Variants in THBS4 observed in about 807,000 individuals in gnomAD.
THBS4 encodes thrombospondin-4.
In THBS4, 90 loss-of-function variants were observed where a neutral mutation model predicts 115.7. That is an observed-to-expected ratio of 0.78 (90% CI 0.66 to 0.93). The LOEUF is 0.93. THBS4 is among the 40% of genes least tolerant of loss of function. The pLI, the probability that THBS4 is intolerant of heterozygous loss-of-function variation, is 0.00. For synonymous variants in THBS4, 460 were observed against 479.3 expected, an observed-to-expected ratio of 0.96 and a Z score of 0.53; for missense variants, 1,087 against 1,232.7, an observed-to-expected ratio of 0.88 and a Z score of 1.77.
At chr5:80,038,050 G>A (rs1832772424) in intron 1 of THBS4, among the ~76,000 whole-genome samples, 1 of 152,090 alleles carries the variant, frequency 6.6e-6, no homozygotes, top group Non-Finnish European at 1.5e-5. Context: ...TTTAAAAGGG[G>A]TAAATATTCT....
intron 14 of THBS4, among the ~76,000 whole-genome samples, chr5:80,072,837 G>A (rs927224278): frequency 1.3e-5 from 2 of 152,174 alleles, no homozygotes; most frequent in African/African-American, 4.8e-5. Context: ...GGTATGATGT[G>A]TCATTTATTT....
At chr5:80,078,416 A>G (rs560474911) in intron 17 of THBS4, among the ~76,000 whole-genome samples, 189 bp downstream of exon 17, 2 of 152,340 alleles carry the variant, frequency 1.3e-5, no homozygotes, top group East Asian at 1.9e-4. Context: ...ATTGTCTGCT[A>G]CAGCTTTCAT....
Position 80,079,235 on chromosome 5 carries a change from G to A in THBS4, c.2488G>A (p.Ala830Thr), listed in dbSNP as rs778626702. Residue 830 changes from alanine to threonine, a missense_variant, in exon 19 of 22, where the codon GCA becomes ACA. Coordinates refer to ENST00000350881, the MANE Select transcript of THBS4 (RefSeq NM_003248.6). ...GCAAGCCACCCCATTCCGAGCAGTTGCAGAACCTGGCATTCAGCTCAAGGT... is the reference window on the plus strand; with the variant it reads ...GCAAGCCACCCCATTCCGAGCAGTTACAGAACCTGGCATTCAGCTCAAGGT... ...YWQATPFRAV[A>T]EPGIQLKAVK... The A allele has an allele frequency of 3.7e-6, 6 of 1,611,952 alleles. No homozygotes were observed. The Admixed American group carries it at 1.0e-4, about 27-fold the overall frequency.
chr5:80,040,210 C>T lies in THBS4; in HGVS notation c.222C>T (p.Ile74=), dbSNP rs369576000. The T allele has an allele frequency of 6.2e-7, 1 of 1,614,126 alleles. No individual in the cohort carries two copies. Among genetic ancestry groups the T allele is most frequent in the African/African-American group, 1.3e-5 (1 of 75,034 alleles). The change falls in exon 2 of 22, where the codon ATC becomes ATT. Residue 74 remains isoleucine (I), a synonymous_variant. Coordinates refer to ENST00000350881, the MANE Select transcript of THBS4 (RefSeq NM_003248.6). The part of the protein sequence containing the change: ...FKLQTKSSAT[I]FGLYSSTDNS... ...TGCAGACTAAAAGTTCAGCCACCAT[C>T]TTCGGTCTTTACTCTTCAACTGACA... is the stretch of plus-strand genomic sequence containing the variant.
intron 9 of THBS4, among the ~76,000 whole-genome samples, chr5:80,066,031 C>T (rs142762062): frequency 0.027 from 3,922 of 146,716 alleles, 93 homozygotes; most frequent in East Asian, 0.12. Flanking sequence ...GCAGGCGGAG[C>T]TTGCAGTGAG....
intron 2 of THBS4, 68 bp downstream of exon 2, chr5:80,040,348 T>TAATG (rs1832859133): frequency 1.6e-5 from 21 of 1,285,836 alleles, no homozygotes; most frequent in Non-Finnish European, 2.2e-5. Context: ...AGGGGTATAC[T>TAATG]GTCTTTGAGA....
chr5:80,032,578 G>T (rs543511661), upstream of THBS4, among the ~76,000 whole-genome samples: 1 of 152,238 alleles, frequency 6.6e-6, no homozygotes, highest in African/African-American at 2.4e-5. Context: ...GCAACCTTTA[G>T]TCTGTGGCTG....
At chr5:80,080,610 C>T (rs1203425827) in intron 20 of THBS4, among the ~76,000 whole-genome samples, 4 of 47,670 alleles carry the variant, frequency 8.4e-5, no homozygotes, top group African/African-American at 3.2e-4. Flanking sequence ...TTTTTGGAGA[C>T]GGAATCCCAC....
Position 80,058,806 on chromosome 5 carries a change from T to C in THBS4, c.732+16T>C. ...GAGACAGCAGGTAACAAGCGGGACATATCATCAGAAAAGCCCTCGTCTTCT... is the reference window on the plus strand; with the variant it reads ...GAGACAGCAGGTAACAAGCGGGACACATCATCAGAAAAGCCCTCGTCTTCT... On this transcript the variant is annotated intron_variant, in intron 5 of 21. Coordinates refer to ENST00000350881, the MANE Select transcript of THBS4 (RefSeq NM_003248.6). The C allele has an allele frequency of 1.9e-6, 3 of 1,610,828 alleles. No individual in the cohort carries two copies. The highest frequency in any genetic ancestry group is 2.2e-5 in the East Asian group (1 of 44,858).
At position 80,072,329 on chromosome 5, in the gene THBS4, G is replaced by A. The variant is rs749105558; in HGVS notation, c.1772G>A (p.Arg591Gln). ...NCPKFPNRDQ[R>Q]DKDGDGVGDA... ...CCAAAATTTCCCAATCGTGACCAAC[G>A]GGACAAGGATGGTGATGGTGTGGGG... The change falls in exon 14 of 22, where the codon CGG becomes CAG. Residue 591 changes from arginine (R) to glutamine (Q), a missense_variant. By Grantham distance (43) the Arg-to-Gln change is conservative. Coordinates refer to ENST00000350881, the MANE Select transcript of THBS4 (RefSeq NM_003248.6). 27 of 1,614,032 alleles carry A rather than the reference G, an allele frequency of 1.7e-5. No homozygotes were observed. Among genetic ancestry groups the A allele is most frequent in the Admixed American group, 1.0e-4 (6 of 60,006 alleles).
intron 15 of THBS4, among the ~76,000 whole-genome samples, chr5:80,074,869 T>C (rs534621341): frequency 1.3e-5 from 2 of 152,268 alleles, no homozygotes; most frequent in Admixed American, 1.3e-4. Flanking sequence ...TGCCTCATCC[T>C]CCCAAAGTGT....
At chr5:80,038,332 T>A (rs1832782554) in intron 1 of THBS4, among the ~76,000 whole-genome samples, 1 of 152,236 alleles carries the variant, frequency 6.6e-6, no homozygotes, top group African/African-American at 2.4e-5. Context: ...TAGAATCCTT[T>A]TTTCTTAATG....
At position 80,061,761 on chromosome 5, in the gene THBS4, G is replaced by A. The variant is rs777353986; in HGVS notation, c.1054G>A (p.Ala352Thr). The A allele has an allele frequency of 1.9e-5, 31 of 1,614,036 alleles. No individual in the cohort carries two copies. In the South Asian group the frequency reaches 2.4e-4, roughly 13 times the overall value. The change falls in exon 8 of 22, where the codon GCC (alanine) becomes ACC (threonine). Residue 352 changes from alanine (A) to threonine (T), a missense_variant. Physicochemically the swap from Ala to Thr is moderately conservative, Grantham distance 58. This residue lies in a region of THBS4 where 979 missense variants were observed against 1,103.7 expected (regional missense o/e 0.89). Coordinates refer to ENST00000350881, the MANE Select transcript of THBS4 (RefSeq NM_003248.6). ...INLSPGFRCD[A>T]CPVGFTGPMV... ...TTTGTCTCCTGGCTTCAGATGTGAC[G>A]CCTGCCCAGTGGGCTTCACAGGGCC... is the stretch of plus-strand genomic sequence containing the variant.
intron 2 of THBS4, among the ~76,000 whole-genome samples, chr5:80,029,318 G>T (rs1832540835): frequency 6.6e-6 from 1 of 152,202 alleles, no homozygotes; most frequent in South Asian, 2.1e-4. Context: ...ATTAGACATT[G>T]CAGGAACCAC....
intron 2 of THBS4, among the ~76,000 whole-genome samples, chr5:80,003,679 G>A (rs755680271): frequency 2.0e-5 from 3 of 152,202 alleles, no homozygotes; most frequent in Non-Finnish European, 4.4e-5. Context: ...TGAACCTAAA[G>A]CAGCTCTAAA....
chr5:80,023,578 A>G (rs1017502246), intron 2 of THBS4, among the ~76,000 whole-genome samples: 2 of 152,246 alleles, frequency 1.3e-5, no homozygotes, highest in Admixed American at 6.5e-5. Context: ...AACAAACTCA[A>G]TTACAAATGG....
At position 80,055,828 on chromosome 5, in the gene THBS4, G is replaced by A. The variant is rs777135414; in HGVS notation, c.336G>A (p.Val112=). The change falls in exon 3 of 22, where the codon GTG becomes GTA. Residue 112 remains valine, a synonymous_variant. Coordinates refer to ENST00000350881, the MANE Select transcript of THBS4 (RefSeq NM_003248.6). The stretch of plus-strand genomic sequence containing the variant: ...AGAACGATGGGAAGGTGCATTTGGT[G>A]GTTTTCAACAACCTGCAGCTGGCAG... The part of the protein sequence containing the change: ...YLKNDGKVHL[V]VFNNLQLADG... The A allele has an allele frequency of 6.2e-7, 1 of 1,614,118 alleles. No individual in the cohort carries two copies. The highest frequency in any genetic ancestry group is 8.5e-7 in the Non-Finnish European group (1 of 1,179,984).
At position 80,078,988 on chromosome 5, in the gene THBS4, T is replaced by G. The variant is rs757861354; in HGVS notation, c.2314+19T>G. 1 of 1,614,026 alleles carries G rather than the reference T, an allele frequency of 6.2e-7. No individual in the cohort carries two copies. Among genetic ancestry groups the G allele is most frequent in the South Asian group, 1.1e-5 (1 of 91,056 alleles). On this transcript the variant is annotated intron_variant, in intron 18 of 21. Coordinates refer to ENST00000350881, the MANE Select transcript of THBS4 (RefSeq NM_003248.6). ...GCAGTGGGTATGTCCAGGGCCTCAGTTGCCACTCACATAGAATTCTTCCAG... is the reference window on the plus strand; with the variant it reads ...GCAGTGGGTATGTCCAGGGCCTCAGGTGCCACTCACATAGAATTCTTCCAG...
chr5:79,997,938 A>G (rs751847565), intron 1 of THBS4, among the ~76,000 whole-genome samples: 60 of 152,230 alleles, frequency 3.9e-4, no homozygotes, highest in Non-Finnish European at 4.4e-5. Context: ...AATATATACA[A>G]TTGATAATAA....
Sources: allele counts gnomAD v4.1 joint callset (sites outside exome capture counted in the v4.1 genomes callset), GRCh38; gene constraint gnomAD v4.1.1; regional missense constraint gnomAD v4.1.1; transcripts MANE v1.5; gene names NCBI Gene and HGNC (gene_info 2026-07-23, HGNC 2026-07-21).